The following LRP5 variants were observed in gnomAD, a reference collection of about 807,000 sequenced individuals.
The protein encoded by LRP5 is LDL receptor related protein 5, also known as low-density lipoprotein receptor-related protein 5.
LRP5 carries 62 observed loss-of-function variants against 154.1 expected under a neutral mutation model. The observed-to-expected ratio is 0.40, with a 90% CI of 0.33 to 0.50. The LOEUF is 0.50. LRP5 is among the 20% of genes least tolerant of loss of function. The pLI is 0.55. For missense variants in LRP5, 1,915 were observed against 2,336.7 expected (o/e 0.82, Z 3.72); for synonymous variants, 966 against 1,011.5 (o/e 0.96, Z 0.85).
intron 1 of LRP5, among the ~76,000 whole-genome samples, chr11:68,344,855 T>G (rs2098611528): frequency 9.3e-6 from 1 of 107,370 alleles, no homozygotes; most frequent in East Asian, 2.3e-4. Context: ...CTCTCTTTTT[T>G]TTTTTTTTTT....
chr11:68,446,954 C>T (rs999624153), intron 22 of LRP5: 1 of 321,688 alleles, frequency 3.1e-6, no homozygotes, highest in East Asian at 8.0e-5. Flanking sequence ...AAGGCTGCTG[C>T]AGCACCCACC....
At chr11:68,429,040 T>C (rs1311274850) in intron 16 of LRP5, among the ~76,000 whole-genome samples, 2 of 141,034 alleles carry the variant, frequency 1.4e-5, no homozygotes, top group Non-Finnish European at 3.0e-5. Flanking sequence ...GAGTTTGCAG[T>C]GAGCCGAGAT....
At chr11:68,436,566 C>T (rs566651021) in intron 18 of LRP5, among the ~76,000 whole-genome samples, 3 of 152,208 alleles carry the variant, frequency 2.0e-5, no homozygotes, top group African/African-American at 4.8e-5. Context: ...CCCCCACCAA[C>T]CTGGTAGAGC....
At chr11:68,424,269 T>TGGGG (rs137947038) in intron 14 of LRP5, among the ~76,000 whole-genome samples, 3,305 of 152,194 alleles carry the variant, frequency 0.022, 128 homozygotes, top group African/African-American at 0.075. Flanking sequence ...CTCAGATAGC[T>TGGGG]GGGGGGCTGG....
intron 5 of LRP5, among the ~76,000 whole-genome samples, chr11:68,379,064 A>AAAAT (rs941293947): frequency 6.6e-6 from 1 of 152,134 alleles, no homozygotes; most frequent in African/African-American, 2.4e-5. Flanking sequence ...AAATAAAAAT[A>AAAAT]AAATAAATAA....
rs114556212 is a variant in LRP5, at chr11:68,447,940, C to T, written c.4587-869C>T. On this transcript the variant is annotated intron_variant, in intron 22 of 22. Coordinates refer to ENST00000294304, the MANE Select transcript of LRP5 (RefSeq NM_002335.4). This position sits in a 1 kb window ranked among gnomAD's most constrained non-coding sequence, Gnocchi z 4.3. ...GCTTGAACTCAGGATGGAAGTGTTC[C>T]GGGCCCATTGGTTGCTGTATTAGCC... is the stretch of plus-strand genomic sequence containing the variant. Among the ~76,000 whole-genome samples, 218 of 152,216 alleles carry T rather than the reference C, an allele frequency of 1.4e-3. No individual in the cohort carries two copies. The highest frequency in any genetic ancestry group is 4.6e-3 in the African/African-American group (193 of 41,526).
intron 1 of LRP5, among the ~76,000 whole-genome samples, chr11:68,322,195 A>T (rs1019611706): frequency 6.6e-6 from 1 of 151,856 alleles, no homozygotes; most frequent in Non-Finnish European, 1.5e-5. Context: ...GTCCATGCCT[A>T]TTCCTCCTGA....
intron 1 of LRP5, among the ~76,000 whole-genome samples, chr11:68,322,357 G>T (rs1591172971): frequency 6.6e-6 from 1 of 152,224 alleles, no homozygotes. Flanking sequence ...TGGTCTCCTT[G>T]CTTTCTGGAA....
At chr11:68,416,645 A>G in intron 13 of LRP5, 118 bp downstream of exon 13, 4 of 956,076 alleles carry the variant, frequency 4.2e-6, no homozygotes, top group Non-Finnish European at 6.5e-6. Context: ...CTCTGGGTGA[A>G]TGATGACTTG....
chr11:68,446,222 G>C (rs565070162), intron 21 of LRP5, among the ~76,000 whole-genome samples: 1 of 152,330 alleles, frequency 6.6e-6, no homozygotes, highest in Non-Finnish European at 1.5e-5. Context: ...AAAGTGCCTG[G>C]GTTCCCTTTG....
chr11:68,413,213 C>A lies in LRP5; in HGVS notation c.2504-476C>A. 3.7e-6 allele frequency: 1 copy of A among 271,366 alleles called. No homozygotes were observed. 16.8% of individuals were successfully genotyped at this position (271,366 alleles called of 1,614,324 possible). ...TTAATCACCCCGGAGTGAGGACAGA[C>A]TCAGATGAAAACCAGCAAAAGCCCT... On this transcript the variant is annotated intron_variant, in intron 11 of 22. Transcript: ENST00000294304. The surrounding 1 kb of genome is among the most constrained non-coding windows in gnomAD (Gnocchi z 5.1).
chr11:68,381,774 TTCTTTATAGCCCGGCACAG>T (rs1446569372), intron 5 of LRP5, among the ~76,000 whole-genome samples: 1 of 152,244 alleles, frequency 6.6e-6, no homozygotes, highest in Non-Finnish European at 1.5e-5. Flanking sequence ...TTGGCCTCTC[TTCTTTATAGCCCGGCACAG>T]TCAGTCCCCT....
At position 68,386,181 on chromosome 11, in the gene LRP5, C is replaced by T; in HGVS notation, c.1016-135C>T. Reference sequence around the variant, plus strand: ...TGTAGCATGGGCTGGGTGCGTGTCACCTAACATCACCAGCCTTTGCAAGGA... The same window carrying T: ...TGTAGCATGGGCTGGGTGCGTGTCATCTAACATCACCAGCCTTTGCAAGGA... On this transcript the variant is annotated intron_variant, in intron 5 of 22. Coordinates refer to ENST00000294304, the MANE Select transcript of LRP5 (RefSeq NM_002335.4). The surrounding 1 kb of genome is among the most constrained non-coding windows in gnomAD (Gnocchi z 7.9). 2 of 1,064,046 alleles carry T rather than the reference C, an allele frequency of 1.9e-6. No individual in the cohort carries two copies. Among genetic ancestry groups the T allele is most frequent in the Admixed American group, 1.8e-5 (1 of 55,514 alleles). The allele number at this position is 1,064,046 out of a possible 1,614,324, so 65.9% of individuals were successfully genotyped here.
chr11:68,334,588 A>T (rs1326439810), intron 1 of LRP5, among the ~76,000 whole-genome samples: 3 of 152,218 alleles, frequency 2.0e-5, no homozygotes, highest in African/African-American at 7.2e-5. Flanking sequence ...ATAAAAGTGT[A>T]TGTAGGCTAG....
chr11:68,393,081 G>T (rs1355870161), intron 7 of LRP5, among the ~76,000 whole-genome samples: 3 of 151,684 alleles, frequency 2.0e-5, no homozygotes, highest in South Asian at 2.1e-4. Flanking sequence ...AGTGAGCTAT[G>T]ATCGCACCAC....
chr11:68,327,370 A>G (rs1269679703), intron 1 of LRP5, among the ~76,000 whole-genome samples: 1 of 152,158 alleles, frequency 6.6e-6, no homozygotes, highest in African/African-American at 2.4e-5. Context: ...CCAGGAGGGG[A>G]CAAGCATCCC....
At chr11:68,409,073 A>AATATATATATATATATATATATATAT (rs1174773377) in intron 9 of LRP5, among the ~76,000 whole-genome samples, 3 of 44,172 alleles carry the variant, frequency 6.8e-5, no homozygotes, top group African/African-American at 2.6e-4. Context: ...AAAAAAAAAA[A>AATATATATATATATATATATATATAT]ATATATATAT....
chr11:68,407,568 C>T (rs191916378), intron 9 of LRP5, among the ~76,000 whole-genome samples: 2,827 of 150,650 alleles, frequency 0.019, 82 homozygotes, highest in African/African-American at 0.065. Flanking sequence ...TGGCTGGGTG[C>T]GGTGGCTCAC....
At position 68,346,725 on chromosome 11, in the gene LRP5, G is replaced by C. The variant is rs146296910; in HGVS notation, c.92-1122G>C. Among the ~76,000 whole-genome samples, 8 of 152,230 alleles carry C rather than the reference G, an allele frequency of 5.3e-5. 1 individual carries two copies. The South Asian group carries it at 1.2e-3, about 24-fold the overall frequency. The stretch of plus-strand genomic sequence containing the variant: ...AAGCCAAGGCTTCAGATGTTTTTTG[G>C]GGGTGTTTGTGGCCAGCCCAGCCTA... On this transcript the variant is annotated intron_variant, in intron 1 of 22. Coordinates refer to ENST00000294304, the MANE Select transcript of LRP5 (RefSeq NM_002335.4).
Sources: gnomAD v4.1 joint callset for allele counts (sites outside exome capture counted in the v4.1 genomes callset) on GRCh38, gnomAD v4.1.1 for gene constraint, Gnocchi (gnomAD v3.1) non-coding constraint, MANE v1.5 for transcripts, NCBI Gene and HGNC (gene_info 2026-07-23, HGNC 2026-07-21) for gene names.